The following NTM variants were observed in gnomAD, a reference collection of about 807,000 sequenced individuals.
NTM encodes the protein neurotrimin.
NTM carries 13 observed loss-of-function variants against 42.1 expected under a neutral mutation model. The ratio of observed to expected loss-of-function variants is 0.31; its 90% CI spans 0.20 to 0.49. The LOEUF (loss-of-function observed/expected upper bound fraction) is 0.49, where lower values mean the gene tolerates loss of function less well. Ranked by LOEUF, NTM falls within the 20% of genes least tolerant of loss-of-function variation. The pLI is 0.99. For missense variants in NTM, 373 were observed against 452.8 expected (o/e 0.82, Z 1.60); for synonymous variants, 187 against 179.2 (o/e 1.04, Z -0.35).
chr11:131,590,149 A>G (rs1291804736), intron 1 of NTM, among the ~76,000 whole-genome samples: 2 of 152,136 alleles, frequency 1.3e-5, no homozygotes, highest in Non-Finnish European at 2.9e-5. Flanking sequence ...GCTCATTCTC[A>G]TGGAGACAGG....
chr11:131,888,981 T>C (rs2050830985), intron 1 of NTM, among the ~76,000 whole-genome samples: 2 of 152,146 alleles, frequency 1.3e-5, no homozygotes, highest in South Asian at 4.2e-4. Context: ...GCCTCTCTTT[T>C]CATTGAGCTG....
At chr11:131,696,545 T>C (rs2075467937) in intron 1 of NTM, among the ~76,000 whole-genome samples, 1 of 152,170 alleles carries the variant, frequency 6.6e-6, no homozygotes, top group Non-Finnish European at 1.5e-5. Context: ...TCTCTATTAG[T>C]CCTTTTCTTT....
chr11:131,825,567 C>A (rs1251654163), intron 1 of NTM, among the ~76,000 whole-genome samples: 3 of 152,140 alleles, frequency 2.0e-5, no homozygotes, highest in Non-Finnish European at 4.4e-5. Context: ...AAAAGTGTCC[C>A]AACCTCTGCA....
chr11:131,899,023 G>A (rs549181914), intron 1 of NTM, among the ~76,000 whole-genome samples: 4 of 152,272 alleles, frequency 2.6e-5, no homozygotes, highest in East Asian at 1.9e-4. Flanking sequence ...AGGCTGACAC[G>A]GGGATGCATT....
rs139840163 is a variant in NTM at position 132,162,638 on chromosome 11, G to T, written c.400+16124G>T. ...ATGTGTGAGTGTGTGTATGTGTGTG[G>T]GGCATGTGTGTGTTTGTGGGGCTTG... On this transcript the variant is annotated intron_variant, in intron 3 of 8. Transcript: ENST00000683400. Among the ~76,000 whole-genome samples, 437 of 148,766 alleles carry T rather than the reference G, an allele frequency of 2.9e-3. 1 individual carries two copies. Among genetic ancestry groups the T allele is most frequent in the African/African-American group, 0.01 (418 of 40,232 alleles).
At chr11:131,677,150 C>T (rs533823398) in intron 1 of NTM, among the ~76,000 whole-genome samples, 10 of 152,260 alleles carry the variant, frequency 6.6e-5, no homozygotes, top group South Asian at 2.1e-4. Flanking sequence ...CTCAGGTCCC[C>T]GAGCCCTGCC....
chr11:132,220,798 G>A (rs1297356166), intron 4 of NTM, among the ~76,000 whole-genome samples: 1 of 152,158 alleles, frequency 6.6e-6, no homozygotes, highest in Non-Finnish European at 1.5e-5. Flanking sequence ...AAACATAATA[G>A]CAAGAAGATT....
intron 1 of NTM, among the ~76,000 whole-genome samples, chr11:131,874,000 T>C (rs2137126765): frequency 1.2e-5 from 1 of 82,064 alleles, no homozygotes; most frequent in East Asian, 4.2e-4. Flanking sequence ...ATATTATATT[T>C]ACATATAATA....
chr11:131,690,554 A>G (rs1258123112), intron 1 of NTM, among the ~76,000 whole-genome samples: 10 of 152,252 alleles, frequency 6.6e-5, no homozygotes, highest in Non-Finnish European at 1.5e-4. Flanking sequence ...CCGGAAGGGA[A>G]AGCGTTCTCT....
chr11:132,119,990 A>T (rs1325315250), intron 2 of NTM, among the ~76,000 whole-genome samples: 1 of 152,186 alleles, frequency 6.6e-6, no homozygotes, highest in Non-Finnish European at 1.5e-5. Flanking sequence ...AGAGCTAGAG[A>T]GAAGGGAAAT....
At chr11:131,627,139 C>A (rs2063182931) in intron 1 of NTM, among the ~76,000 whole-genome samples, 1 of 152,094 alleles carries the variant, frequency 6.6e-6, no homozygotes, top group Non-Finnish European at 1.5e-5. Flanking sequence ...TTATCTTGTA[C>A]CTCGAGTGCC....
At chr11:132,019,878 T>A (rs965448294) in intron 2 of NTM, among the ~76,000 whole-genome samples, 2 of 151,926 alleles carry the variant, frequency 1.3e-5, no homozygotes, top group South Asian at 2.1e-4. Flanking sequence ...GGGGTACATG[T>A]GCAGGTTTGT....
chr11:131,720,524 G>T (rs539764673), intron 1 of NTM, among the ~76,000 whole-genome samples: 6 of 152,258 alleles, frequency 3.9e-5, no homozygotes, highest in African/African-American at 9.6e-5. Flanking sequence ...GATGAAAGAG[G>T]CAGGAGAATA....
chr11:132,047,960 C>A (rs577161), intron 2 of NTM, among the ~76,000 whole-genome samples: 2 of 152,078 alleles, frequency 1.3e-5, no homozygotes, highest in Non-Finnish European at 2.9e-5. Context: ...CCCTCACTTT[C>A]TACCCAACTT....
intron 1 of NTM, among the ~76,000 whole-genome samples, chr11:131,584,782 T>C (rs2058711127): frequency 6.6e-6 from 1 of 152,200 alleles, no homozygotes; most frequent in Non-Finnish European, 1.5e-5. Context: ...CAGCCTGCAG[T>C]CTCTGGTTCG....
At chr11:131,915,484 C>T (rs765005148) in intron 2 of NTM, among the ~76,000 whole-genome samples, 2 of 152,150 alleles carry the variant, frequency 1.3e-5, no homozygotes, top group Admixed American at 6.5e-5. Flanking sequence ...AGCCAAACAA[C>T]GATATCCCCC....
At chr11:131,866,256 A>G (rs1278279313) in intron 1 of NTM, among the ~76,000 whole-genome samples, 1 of 151,908 alleles carries the variant, frequency 6.6e-6, no homozygotes, top group Non-Finnish European at 1.5e-5. Context: ...TTCTTTTTCC[A>G]TTCAGCCTTG....
intron 7 of NTM, among the ~76,000 whole-genome samples, chr11:132,323,852 G>A (rs1384991454): frequency 1.3e-5 from 2 of 150,684 alleles, no homozygotes; most frequent in Non-Finnish European, 3.0e-5. Context: ...TCATCCCTGG[G>A]ATGCAAGGCT....
chr11:131,788,764 C>A (rs935530323), intron 1 of NTM, among the ~76,000 whole-genome samples: 1 of 152,154 alleles, frequency 6.6e-6, no homozygotes, highest in Non-Finnish European at 1.5e-5. Flanking sequence ...ACTTTCTTTT[C>A]TTCCAACTTA....
Sources: gnomAD v4.1 joint callset for allele counts (sites outside exome capture counted in the v4.1 genomes callset) on GRCh38, gnomAD v4.1.1 for gene constraint, MANE v1.5 for transcripts, NCBI Gene and HGNC (gene_info 2026-07-23, HGNC 2026-07-21) for gene names.